FAM13A: variants seen among roughly 807,000 people sequenced by gnomAD.
FAM13A encodes the protein family with sequence similarity 13 member A, also known as protein FAM13A.
A neutral mutation model predicts 129.6 loss-of-function variants in FAM13A; 76 were observed. The observed-to-expected ratio is 0.59, with a 90% CI of 0.49 to 0.71. The LOEUF is 0.71. FAM13A is among the 30% of genes least tolerant of loss of function. FAM13A has a pLI of 0.00. For missense variants in FAM13A, 1,108 were observed against 1,249.3 expected, an observed-to-expected ratio of 0.89 and a Z score of 1.70; for synonymous variants, 443 against 449.9, an observed-to-expected ratio of 0.98 and a Z score of 0.20.
At chr4:88,790,912 C>T (rs528208846) in intron 8 of FAM13A, among the ~76,000 whole-genome samples, 5 of 152,190 alleles carry the variant, frequency 3.3e-5, no homozygotes, top group South Asian at 4.1e-4. Context: ...CAACCTATTG[C>T]CACAGCAGCC....
intron 1 of FAM13A, among the ~76,000 whole-genome samples, chr4:89,039,621 G>A (rs374132385): frequency 2.8e-4 from 43 of 152,240 alleles, no homozygotes; most frequent in African/African-American, 1.0e-3. Flanking sequence ...ATTAGGCCAG[G>A]TGTGGTGGCT....
intron 5 of FAM13A, among the ~76,000 whole-genome samples, chr4:88,908,201 A>T (rs1748476611): frequency 6.6e-6 from 1 of 152,226 alleles, no homozygotes; most frequent in Admixed American, 6.5e-5. Context: ...GCTGGTGGTA[A>T]GCTGCTTTCT....
chr4:88,728,717 T>A lies in FAM13A; in HGVS notation c.2946-58A>T. The A allele has an allele frequency of 3.2e-6, 5 of 1,580,096 alleles. No individual in the cohort carries two copies. In the East Asian group the frequency reaches 1.1e-4, roughly 35 times the overall value. On this transcript the variant is annotated intron_variant, in intron 23 of 23. Coordinates refer to ENST00000264344, the MANE Select transcript of FAM13A (RefSeq NM_014883.4). Reference sequence around the variant, plus strand: ...ATCATTTTCTGTCTTTGCTAGATACTATTCATCGGGCAAATTATCATTGTT... The same window carrying A: ...ATCATTTTCTGTCTTTGCTAGATACAATTCATCGGGCAAATTATCATTGTT...
intron 5 of FAM13A, 66 bp from the exon 6 acceptor site, chr4:88,906,528 G>T: frequency 9.2e-7 from 1 of 1,091,060 alleles, no homozygotes; most frequent in Non-Finnish European, 1.3e-6. Flanking sequence ...AAAATTACAA[G>T]GTAGTGAAAA....
chr4:88,776,316 G>C (rs1303651045), intron 11 of FAM13A, among the ~76,000 whole-genome samples: 5 of 152,016 alleles, frequency 3.3e-5, no homozygotes, highest in Admixed American at 3.3e-4. Flanking sequence ...TTATATTGAA[G>C]GGCGGTACAG....
At chr4:88,880,772 G>A (rs1370916173) in intron 6 of FAM13A, among the ~76,000 whole-genome samples, 1 of 133,036 alleles carries the variant, frequency 7.5e-6, no homozygotes, top group South Asian at 2.7e-4. Flanking sequence ...TGCGGGTGGT[G>A]CGGTGGGGGG....
chr4:88,803,913 A>T (rs531957737), intron 8 of FAM13A, among the ~76,000 whole-genome samples: 19 of 152,326 alleles, frequency 1.2e-4, no homozygotes, highest in Non-Finnish European at 1.9e-4. Flanking sequence ...TTCAAAAATA[A>T]ATAAATAAAC....
In FAM13A at chr4:88,726,651, C is replaced by CA. The variant is rs1491165712; in HGVS notation, c.*1881dup. ...CTAGACATGTATTTTTAAAAAAACA[C>CA]AATTTTTGGTCATGTGAATGATTCA... On this transcript the variant is annotated 3_prime_UTR_variant, in exon 24 of 24. Coordinates refer to ENST00000264344, the MANE Select transcript of FAM13A (RefSeq NM_014883.4). 1 of 144,320 alleles carries CA rather than the reference C, an allele frequency of 6.9e-6. No individual in the cohort carries two copies. The highest frequency in any genetic ancestry group is 6.9e-5 in the Admixed American group (1 of 14,492). 8.9% of individuals were successfully genotyped at this position (144,320 alleles called of 1,614,324 possible). A position where few individuals can be genotyped will look rare whatever the true frequency, so the allele number is the denominator to read the frequency against.
At chr4:88,779,315 A>G (rs569201493) in intron 11 of FAM13A, among the ~76,000 whole-genome samples, 2 of 152,238 alleles carry the variant, frequency 1.3e-5, no homozygotes, top group South Asian at 4.1e-4. Flanking sequence ...GTTTTGGAGG[A>G]AAGTTGGGGA....
At chr4:89,028,519 C>CAAATAA (rs1184956025) in intron 2 of FAM13A, among the ~76,000 whole-genome samples, 10 of 151,816 alleles carry the variant, frequency 6.6e-5, no homozygotes, top group East Asian at 5.8e-4. Context: ...CCTGTCTCTA[C>CAAATAA]AAATAAAAAT....
intron 8 of FAM13A, among the ~76,000 whole-genome samples, chr4:88,791,330 T>C (rs552911262): frequency 1.3e-5 from 2 of 152,216 alleles, no homozygotes; most frequent in South Asian, 2.1e-4. Flanking sequence ...TATTGAGAAG[T>C]GGTCAACACA....
intron 4 of FAM13A, among the ~76,000 whole-genome samples, chr4:88,976,297 G>C (rs929141476): frequency 6.6e-6 from 1 of 152,114 alleles, no homozygotes; most frequent in African/African-American, 2.4e-5. Context: ...CATTCTCACA[G>C]ATAATGATGG....
At chr4:89,022,978 A>G (rs1225285742) in intron 2 of FAM13A, among the ~76,000 whole-genome samples, 1 of 152,222 alleles carries the variant, frequency 6.6e-6, no homozygotes, top group African/African-American at 2.4e-5. Flanking sequence ...TGACACCATG[A>G]TCACGGCCTT....
intron 1 of FAM13A, among the ~76,000 whole-genome samples, chr4:89,055,751 A>C (rs1394851545): frequency 6.6e-6 from 1 of 152,230 alleles, no homozygotes; most frequent in Non-Finnish European, 1.5e-5. Context: ...TAAAAAAAGA[A>C]TAACCACATG....
intron 4 of FAM13A, among the ~76,000 whole-genome samples, chr4:88,945,875 A>AG (rs1378253306): frequency 8.2e-6 from 1 of 122,190 alleles, no homozygotes; most frequent in African/African-American, 3.4e-5. Context: ...TAGAATACAT[A>AG]TATACTATGT....
At chr4:88,748,205 T>G (rs962472178) in intron 17 of FAM13A, among the ~76,000 whole-genome samples, 2 of 152,190 alleles carry the variant, frequency 1.3e-5, no homozygotes, top group African/African-American at 4.8e-5. Context: ...TATATGAGAT[T>G]TGATGTCTGC....
At chr4:88,856,852 CAA>C (rs762060129) in intron 6 of FAM13A, among the ~76,000 whole-genome samples, 14 of 151,904 alleles carry the variant, frequency 9.2e-5, no homozygotes, top group Non-Finnish European at 1.8e-4. Flanking sequence ...TGTGAAATAA[CAA>C]AGTATCAGAA....
intron 1 of FAM13A, among the ~76,000 whole-genome samples, chr4:89,031,769 A>G (rs1260054135): frequency 6.6e-6 from 1 of 152,224 alleles, no homozygotes; most frequent in East Asian, 1.9e-4. Context: ...TGATGACCTA[A>G]TAACTATTCT....
intron 7 of FAM13A, among the ~76,000 whole-genome samples, chr4:88,819,356 T>C (rs773705518): frequency 1.6e-4 from 24 of 152,182 alleles, no homozygotes; most frequent in East Asian, 1.9e-4. Flanking sequence ...CATTATTCCT[T>C]GTGGATATAA....
Sources: gnomAD v4.1 joint callset for allele counts (sites outside exome capture counted in the v4.1 genomes callset) on GRCh38, gnomAD v4.1.1 for gene constraint, MANE v1.5 for transcripts, NCBI Gene and HGNC (gene_info 2026-07-23, HGNC 2026-07-21) for gene names.